PHF24: variants seen among roughly 807,000 people sequenced by gnomAD.
The protein encoded by PHF24 is Galpha inhibitory interacting protein.
In PHF24, 25 loss-of-function variants were observed where a neutral mutation model predicts 42.6. The ratio of observed to expected loss-of-function variants is 0.59; its 90% CI spans 0.43 to 0.82. PHF24 has a LOEUF of 0.82. PHF24 is among the 40% of genes least tolerant of loss of function. The probability of loss-of-function intolerance (pLI) is 0.00; values close to 1 mark genes in which losing one functional copy is unlikely to be tolerated. For missense variants in PHF24, 470 were observed against 538.1 expected (o/e 0.87, Z 1.25); for synonymous variants, 185 against 204.8 (o/e 0.90, Z 0.83).
chr9:34,760,661 C>G, the PHF24 span, among the ~76,000 whole-genome samples: 32 of 152,192 alleles, frequency 2.1e-4, no homozygotes, highest in African/African-American at 7.5e-4. Flanking sequence ...AGCACGCCCC[C>G]ACCCAATACT....
chr9:34,895,550 A>G, the PHF24 span: 11 of 398,476 alleles, frequency 2.8e-5, no homozygotes, highest in African/African-American at 4.1e-5. Flanking sequence ...AGGCACATCA[A>G]TTTAGCCATG....
chr9:34,691,332 A>C, the PHF24 span: 1 of 524,540 alleles, frequency 1.9e-6, no homozygotes, highest in Non-Finnish European at 3.4e-6. Context: ...CTCTGCCTGA[A>C]ATTCCCCTTC....
the PHF24 span, among the ~76,000 whole-genome samples, chr9:34,708,635 C>T: frequency 1.3e-5 from 2 of 152,120 alleles, no homozygotes; most frequent in Non-Finnish European, 2.9e-5. Flanking sequence ...TTGAATAGTT[C>T]CCAGGGAAAA....
chr9:34,853,311 C>G, the PHF24 span, among the ~76,000 whole-genome samples: 13 of 152,276 alleles, frequency 8.5e-5, no homozygotes, highest in African/African-American at 3.1e-4. Flanking sequence ...GGGGATGAAG[C>G]CAACATGACC....
chr9:34,915,153 C>G, the PHF24 span, among the ~76,000 whole-genome samples: 81 of 151,794 alleles, frequency 5.3e-4, no homozygotes, highest in Admixed American at 1.1e-3. Flanking sequence ...CTGCCTCAGC[C>G]CTCCAAGTAG....
chr9:34,754,701 A>C, the PHF24 span, among the ~76,000 whole-genome samples: 1 of 152,092 alleles, frequency 6.6e-6, no homozygotes, highest in East Asian at 1.9e-4. Flanking sequence ...TCCCACTCCT[A>C]GATATACAGC....
chr9:34,702,693 CCAG>C, the PHF24 span, among the ~76,000 whole-genome samples: 10 of 152,110 alleles, frequency 6.6e-5, no homozygotes, highest in Non-Finnish European at 1.3e-4. Flanking sequence ...GCCTGTAATC[CCAG>C]CACTTTGGGA....
chr9:34,778,464 ACAGTGGGTTATACTGGTCTCAGAC>A, the PHF24 span, among the ~76,000 whole-genome samples: 1 of 152,236 alleles, frequency 6.6e-6, no homozygotes, highest in Non-Finnish European at 1.5e-5. Flanking sequence ...TAGGAGAGCT[ACAGTGGGTTATACTGGTCTCAGAC>A]AAAATAGACT....
intron 1 of PHF24, among the ~76,000 whole-genome samples, chr9:34,969,417 G>T (rs1052984148): frequency 1.3e-5 from 2 of 151,452 alleles, no homozygotes; most frequent in South Asian, 4.2e-4. Flanking sequence ...CGAGGTGGGC[G>T]GATCATGAGG....
the PHF24 span, chr9:34,832,923 G>C: frequency 6.4e-7 from 1 of 1,551,728 alleles, no homozygotes; most frequent in East Asian, 2.4e-5. Flanking sequence ...CCAGGGACTC[G>C]TGGAGGTAGC....
the PHF24 span, among the ~76,000 whole-genome samples, chr9:34,795,219 G>A: frequency 6.6e-6 from 1 of 151,608 alleles, no homozygotes; most frequent in African/African-American, 2.4e-5. Flanking sequence ...ACTCCAGTCT[G>A]GGCAACAGAG....
chr9:34,792,983 A>G, the PHF24 span, among the ~76,000 whole-genome samples: 15 of 152,232 alleles, frequency 9.9e-5, no homozygotes, highest in Admixed American at 4.6e-4. Flanking sequence ...AAGTATGAAT[A>G]CTAAAGGATC....
At chr9:34,782,417 C>T in the PHF24 span, among the ~76,000 whole-genome samples, 312 of 152,252 alleles carry the variant, frequency 2.0e-3, 1 homozygote, top group African/African-American at 7.2e-3. Context: ...AGTTTGCCTC[C>T]CTCACCCCAC....
the PHF24 span, chr9:34,892,563 G>A: frequency 2.4e-6 from 1 of 421,932 alleles, no homozygotes; most frequent in Non-Finnish European, 4.2e-6. Flanking sequence ...TGCAATAGCA[G>A]TTGGAAAGGA....
chr9:34,696,411 C>G, the PHF24 span, among the ~76,000 whole-genome samples: 2 of 150,882 alleles, frequency 1.3e-5, no homozygotes, highest in Admixed American at 6.6e-5. Context: ...TCGCTTTAAC[C>G]CGGGAGACAG....
rs543353111 is a variant in PHF24 at position 34,976,057 on chromosome 9, C to G, written c.565-95C>G. On this transcript the variant is annotated intron_variant, in intron 3 of 7. Coordinates refer to ENST00000242315, the Ensembl canonical transcript of PHF24. ...AGGCTGGGATTAGATGATCTTGGAA[C>G]TGCTTTCCAGTTGAAATTCTATTTC... 3.4e-4 allele frequency: 289 copies of G among 849,878 alleles called. 4 individuals are homozygous for G. The South Asian group carries it at 4.0e-3, about 12-fold the overall frequency. The allele number at this position is 849,878 out of a possible 1,614,324, so 52.6% of individuals were successfully genotyped here.
chr9:34,688,892 C>T, the PHF24 span, among the ~76,000 whole-genome samples: 8 of 152,210 alleles, frequency 5.3e-5, no homozygotes, highest in Non-Finnish European at 1.2e-4. Context: ...AGATGTGATC[C>T]CAGTCCAAGA....
exon 2 of PHF24, chr9:34,971,429 G>A (rs903425967): frequency 3.1e-6 from 5 of 1,614,132 alleles, no homozygotes; most frequent in East Asian, 4.5e-5. Flanking sequence ...CCAGGGTCCC[G>A]CCGTGGCACT....
the PHF24 span, among the ~76,000 whole-genome samples, chr9:34,668,746 C>G: frequency 6.6e-6 from 1 of 152,212 alleles, no homozygotes; most frequent in Non-Finnish European, 1.5e-5. Flanking sequence ...GCCTCAAGAT[C>G]TTTACCTTAA....
Sources: allele counts gnomAD v4.1 joint callset (sites outside exome capture counted in the v4.1 genomes callset), GRCh38; gene constraint gnomAD v4.1.1; transcripts MANE v1.5; gene names NCBI Gene and HGNC (gene_info 2026-07-23, HGNC 2026-07-21).